IQGAP2: variants seen among roughly 807,000 people sequenced by gnomAD.
The protein encoded by IQGAP2 is ras GTPase-activating-like protein IQGAP2.
A neutral mutation model predicts 201.3 loss-of-function variants in IQGAP2; 173 were observed. The ratio of observed to expected loss-of-function variants is 0.86; its 90% CI spans 0.76 to 0.98. The LOEUF (loss-of-function observed/expected upper bound fraction) is 0.98. Ranked by LOEUF, IQGAP2 falls within the 50% of genes least tolerant of loss-of-function variation. The probability of loss-of-function intolerance (pLI) is 0.00; values close to 1 mark genes in which losing one functional copy is unlikely to be tolerated. For synonymous variants in IQGAP2, 675 were observed against 673.9 expected (o/e 1.00, Z -0.03); for missense variants, 1,687 against 1,864.8 (o/e 0.90, Z 1.76).
intron 14 of IQGAP2, among the ~76,000 whole-genome samples, chr5:76,630,548 CAAT>C (rs761753470): frequency 5.3e-5 from 8 of 152,106 alleles, no homozygotes; most frequent in Non-Finnish European, 8.8e-5. Context: ...CATCGATACT[CAAT>C]GATGATATAT....
chr5:76,516,278 G>A (rs1289190510), intron 2 of IQGAP2, among the ~76,000 whole-genome samples: 1 of 152,152 alleles, frequency 6.6e-6, no homozygotes, highest in African/African-American at 2.4e-5. Flanking sequence ...ATAATGTAAT[G>A]TGGTTGCCCG....
chr5:76,677,118 A>G, intron 27 of IQGAP2, 100 bp from the exon 28 acceptor site: 12 of 1,198,342 alleles, frequency 1.0e-5, no homozygotes, highest in Non-Finnish European at 1.4e-5. Flanking sequence ...TGAGATGGGA[A>G]CAAAGTACAT....
At chr5:76,441,031 C>CAA (rs112796247) in intron 1 of IQGAP2, among the ~76,000 whole-genome samples, 193 of 104,214 alleles carry the variant, frequency 1.9e-3, no homozygotes, top group African/African-American at 4.8e-3. Flanking sequence ...GACTCAGTCT[C>CAA]AAAAAAAAAA....
intron 1 of IQGAP2, among the ~76,000 whole-genome samples, chr5:76,446,433 T>C (rs1200658755): frequency 1.3e-5 from 2 of 152,170 alleles, no homozygotes; most frequent in Non-Finnish European, 2.9e-5. Context: ...TGTTGTTAAG[T>C]TGTTGCCTTA....
chr5:76,450,400 G>A (rs974416464), intron 1 of IQGAP2, among the ~76,000 whole-genome samples: 2 of 152,118 alleles, frequency 1.3e-5, no homozygotes, highest in African/African-American at 2.4e-5. Flanking sequence ...GGTCAGTGAA[G>A]ACTAAACAAA....
chr5:76,617,692 TA>T, intron 13 of IQGAP2: 2 of 1,613,990 alleles, frequency 1.2e-6, no homozygotes, highest in Non-Finnish European at 1.7e-6. Context: ...ATGAGATATA[TA>T]AAATATAAGC....
chr5:76,429,625 T>TA lies in IQGAP2; in HGVS notation c.46+26034_46+26035insA, dbSNP rs199989502. Among the ~76,000 whole-genome samples the TA allele has an allele frequency of 9.7e-3, 1,410 of 144,774 alleles. 10 individuals are homozygous for TA. The highest frequency in any genetic ancestry group is 0.014 in the Non-Finnish European group (913 of 66,402). The allele number at this position is 144,774 out of a possible 152,430, so 95.0% of individuals were successfully genotyped here. On this transcript the variant is annotated intron_variant, in intron 1 of 35. Coordinates refer to ENST00000274364, the MANE Select transcript of IQGAP2 (RefSeq NM_006633.5). ...ATATTTATATATATACATATATAAA[T>TA]TTATATATATACATATATGTATATA...
chr5:76,434,497 A>G (rs1424850368), intron 1 of IQGAP2, among the ~76,000 whole-genome samples: 1 of 152,188 alleles, frequency 6.6e-6, no homozygotes, highest in Non-Finnish European at 1.5e-5. Context: ...CTCCAGCTCC[A>G]TCCAAGTTGC....
Position 76,461,650 on chromosome 5 carries a change from C to T in IQGAP2, c.127C>T (p.His43Tyr). Residue 43 changes from histidine to tyrosine, a missense_variant, in exon 2 of 36, where the codon CAC (histidine) becomes TAC (tyrosine). By Grantham distance (83) the His-to-Tyr change is moderately conservative. Transcript: ENST00000274364. ...GAACATTGCTTATGAATATCTGTGC[C>T]ACTTAGAGGAAGCCAAAAGGTAAGA... ...RQNIAYEYLC[H>Y]LEEAKRWMEV... is the part of the protein sequence containing the mutation. 6.2e-7 allele frequency: 1 copy of T among 1,613,190 alleles called. No homozygotes were observed. The highest frequency in any genetic ancestry group is 8.5e-7 in the Non-Finnish European group (1 of 1,179,180).
At chr5:76,473,924 A>G (rs140970214) in intron 2 of IQGAP2, among the ~76,000 whole-genome samples, 449 of 152,296 alleles carry the variant, frequency 2.9e-3, no homozygotes, top group Non-Finnish European at 4.9e-3. Flanking sequence ...AAAGTCATAA[A>G]ACGGTATCAT....
intron 2 of IQGAP2, among the ~76,000 whole-genome samples, chr5:76,494,719 T>G (rs1756778129): frequency 6.6e-6 from 1 of 152,194 alleles, no homozygotes; most frequent in Admixed American, 6.5e-5. Flanking sequence ...CCTAGCCTGT[T>G]TTTTTCCTGT....
At chr5:76,435,373 G>A (rs1007432758) in intron 1 of IQGAP2, among the ~76,000 whole-genome samples, 7 of 152,036 alleles carry the variant, frequency 4.6e-5, no homozygotes, top group Non-Finnish European at 7.4e-5. Flanking sequence ...GTTAATTTTT[G>A]TATACAATGA....
chr5:76,642,662 G>A (rs748275316), intron 17 of IQGAP2, among the ~76,000 whole-genome samples: 15 of 152,198 alleles, frequency 9.9e-5, no homozygotes, highest in Non-Finnish European at 2.2e-4. Context: ...GTAGGAAAAT[G>A]TTCTGATATC....
intron 1 of IQGAP2, among the ~76,000 whole-genome samples, chr5:76,410,993 G>A (rs185619810): frequency 1.1e-3 from 166 of 152,280 alleles, no homozygotes; most frequent in African/African-American, 3.0e-3. Context: ...TATATGCAGT[G>A]GTTTTCAAAG....
chr5:76,618,308 G>A, intron 13 of IQGAP2: 3 of 1,614,212 alleles, frequency 1.9e-6, no homozygotes, highest in Non-Finnish European at 2.5e-6. Flanking sequence ...TGGCCAGGTT[G>A]GTGTAGAATA....
In IQGAP2 at chr5:76,403,406, G is replaced by C. The variant is rs1234358998; in HGVS notation, c.-140G>C. On this transcript the variant is annotated 5_prime_UTR_variant, in exon 1 of 36. Coordinates refer to ENST00000274364, the MANE Select transcript of IQGAP2 (RefSeq NM_006633.5). The surrounding 1 kb of genome is among the most constrained non-coding windows in gnomAD (Gnocchi z 4.8). ...TGGCGAGAGAGCACCGAGGGAGTGG[G>C]TCGCAGATCTTCGGGCGGCTAGGGG... is the stretch of plus-strand genomic sequence containing the variant. The C allele has an allele frequency of 7.3e-6, 4 of 549,352 alleles. No individual in the cohort carries two copies. In the East Asian group the frequency reaches 1.5e-4, roughly 20 times the overall value. The allele number at this position is 549,352 out of a possible 1,614,324, so 34.0% of individuals were successfully genotyped here.
intron 7 of IQGAP2, among the ~76,000 whole-genome samples, 195 bp from the exon 8 acceptor site, chr5:76,590,213 T>C (rs1746549633): frequency 6.6e-6 from 1 of 152,224 alleles, no homozygotes; most frequent in African/African-American, 2.4e-5. Flanking sequence ...TAACAGATGC[T>C]GAGATCAGGA....
chr5:76,563,708 C>A (rs1744541357), intron 3 of IQGAP2, among the ~76,000 whole-genome samples: 1 of 151,724 alleles, frequency 6.6e-6, no homozygotes, highest in Non-Finnish European at 1.5e-5. Context: ...GAAACTTGAT[C>A]TTTATTTTTT....
intron 21 of IQGAP2, 68 bp downstream of exon 21, chr5:76,658,735 C>A: frequency 7.6e-7 from 1 of 1,307,480 alleles, no homozygotes; most frequent in Non-Finnish European, 1.1e-6. Context: ...TCAAGAGTCA[C>A]TTAATGACAG....
Sources: allele counts gnomAD v4.1 joint callset (sites outside exome capture counted in the v4.1 genomes callset), GRCh38; gene constraint gnomAD v4.1.1; non-coding constraint Gnocchi (gnomAD v3.1); transcripts MANE v1.5; gene names NCBI Gene and HGNC (gene_info 2026-07-23, HGNC 2026-07-21).